Variants in PDE4D observed in about 807,000 individuals in gnomAD.
PDE4D encodes 3',5'-cyclic-AMP phosphodiesterase 4D.
Under a neutral mutation model 87.4 loss-of-function variants are expected in PDE4D, and 24 were observed. The observed-to-expected ratio is 0.27, with a 90% CI of 0.20 to 0.39. The LOEUF (loss-of-function observed/expected upper bound fraction) is 0.39, where lower values mean the gene tolerates loss of function less well. Ranked by LOEUF, PDE4D falls within the 10% of genes least tolerant of loss-of-function variation. PDE4D has a pLI of 1.00. For missense variants in PDE4D, 714 were observed against 1,041.0 expected (o/e 0.69, Z 4.32); for synonymous variants, 384 against 383.2 (o/e 1.00, Z -0.02).
At chr5:59,408,974 C>T (rs6871410) in intron 1 of PDE4D, among the ~76,000 whole-genome samples, 26,100 of 151,804 alleles carry the variant, frequency 0.17, 3,023 homozygotes, top group African/African-American at 0.32. Flanking sequence ...TGATGAAAAT[C>T]CCCATCTCTA....
At chr5:60,348,035 G>C (rs941012509) in intron 1 of PDE4D, among the ~76,000 whole-genome samples, 1 of 152,100 alleles carries the variant, frequency 6.6e-6, no homozygotes, top group African/African-American at 2.4e-5. Flanking sequence ...CTACTTTGCT[G>C]AGGTATATGC....
chr5:60,510,419 G>A (rs530751461), intron 1 of PDE4D, among the ~76,000 whole-genome samples: 4 of 152,200 alleles, frequency 2.6e-5, no homozygotes, highest in African/African-American at 4.8e-5. Flanking sequence ...TTTAACACTC[G>A]AATTCATCCT....
intron 1 of PDE4D, among the ~76,000 whole-genome samples, chr5:59,689,265 A>AC (rs1197741275): frequency 6.6e-6 from 1 of 152,092 alleles, no homozygotes; most frequent in Non-Finnish European, 1.5e-5. Flanking sequence ...GAGACACAAC[A>AC]AAAAAAGAGA....
chr5:60,407,249 G>A (rs1741616422), intron 1 of PDE4D, among the ~76,000 whole-genome samples: 1 of 151,960 alleles, frequency 6.6e-6, no homozygotes, highest in Non-Finnish European at 1.5e-5. Context: ...GCACACTGGA[G>A]CTGAGGAAGG....
intron 1 of PDE4D, among the ~76,000 whole-genome samples, chr5:59,226,720 G>C (rs1753850010): frequency 6.6e-6 from 1 of 152,072 alleles, no homozygotes; most frequent in African/African-American, 2.4e-5. Flanking sequence ...ATGGTATTTG[G>C]ACTCTTGAGG....
chr5:59,985,314 T>C (rs1230220241), intron 3 of PDE4D, among the ~76,000 whole-genome samples: 2 of 151,632 alleles, frequency 1.3e-5, no homozygotes, highest in Non-Finnish European at 2.9e-5. Flanking sequence ...AATTTTTTTT[T>C]GTATTTTTCG....
Position 59,413,457 on chromosome 5 carries a change from C to CAAAAAAAAAAAAAAAAAAAAAAAAA in PDE4D, c.456-197490_456-197489insTTTTTTTTTTTTTTTTTTTTTTTTT, listed in dbSNP as rs34074485. ...TGGGTGACTGAGTGAGACTCCATCT[C>CAAAAAAAAAAAAAAAAAAAAAAAAA]AAAAAAAAAAAAAAAAAAAAAAAAG... On this transcript the variant is annotated intron_variant, in intron 1 of 14. Coordinates refer to ENST00000340635, the MANE Select transcript of PDE4D (RefSeq NM_001104631.2). Among the ~76,000 whole-genome samples the CAAAAAAAAAAAAAAAAAAAAAAAAA allele has an allele frequency of 8.8e-4, 48 of 54,424 alleles. 1 individual carries two copies. The highest frequency in any genetic ancestry group is 3.6e-3 in the African/African-American group (43 of 12,022). 35.7% of individuals were successfully genotyped at this position (54,424 alleles called of 152,430 possible).
intron 1 of PDE4D, among the ~76,000 whole-genome samples, chr5:59,718,028 G>A (rs1429216665): frequency 6.6e-6 from 1 of 152,128 alleles, no homozygotes; most frequent in African/African-American, 2.4e-5. Context: ...CTGTTGGTTT[G>A]GTATAGACTG....
intron 2 of PDE4D, among the ~76,000 whole-genome samples, chr5:60,105,274 G>C (rs1031582976): frequency 6.6e-5 from 10 of 152,166 alleles, no homozygotes; most frequent in Admixed American, 5.9e-4. Flanking sequence ...GATGGAAGAT[G>C]AAATGAATGA....
At chr5:60,249,565 T>C (rs1299055118) in intron 1 of PDE4D, among the ~76,000 whole-genome samples, 1 of 152,032 alleles carries the variant, frequency 6.6e-6, no homozygotes, top group East Asian at 1.9e-4. Context: ...CATTAAAATG[T>C]CAGTAGAATT....
chr5:60,079,191 G>C (rs951064425), intron 2 of PDE4D, among the ~76,000 whole-genome samples: 1 of 152,162 alleles, frequency 6.6e-6, no homozygotes, highest in East Asian at 1.9e-4. Flanking sequence ...CTTCTTTTGA[G>C]AAGTGTCTGT....
intron 1 of PDE4D, among the ~76,000 whole-genome samples, chr5:59,736,019 A>C (rs538422950): frequency 2.6e-4 from 39 of 152,186 alleles, no homozygotes; most frequent in Non-Finnish European, 4.7e-4. Flanking sequence ...AAAACAAAAG[A>C]CTAGAAATAG....
chr5:59,884,286 A>G (rs1264598933), intron 1 of PDE4D, among the ~76,000 whole-genome samples: 3 of 151,130 alleles, frequency 2.0e-5, no homozygotes, highest in African/African-American at 4.9e-5. Flanking sequence ...ATAAATACAC[A>G]CACACATATA....
At chr5:59,147,752 G>A (rs1778885188) in intron 5 of PDE4D, among the ~76,000 whole-genome samples, 1 of 152,156 alleles carries the variant, frequency 6.6e-6, no homozygotes, top group Non-Finnish European at 1.5e-5. Flanking sequence ...CTTAGTAACT[G>A]TATTTCCTAT....
chr5:60,131,139 T>C (rs1468124965), intron 2 of PDE4D, among the ~76,000 whole-genome samples: 2 of 152,216 alleles, frequency 1.3e-5, no homozygotes, highest in Admixed American at 6.5e-5. Context: ...CAAGAGATTT[T>C]CCTAAATATA....
chr5:59,781,569 C>T (rs1764626638), intron 1 of PDE4D, among the ~76,000 whole-genome samples: 1 of 151,828 alleles, frequency 6.6e-6, no homozygotes, highest in African/African-American at 2.4e-5. Flanking sequence ...AGGTGGATTA[C>T]GAGGTCAGGA....
intron 1 of PDE4D, among the ~76,000 whole-genome samples, chr5:59,393,540 C>T (rs1788669445): frequency 6.6e-6 from 1 of 152,194 alleles, no homozygotes; most frequent in African/African-American, 2.4e-5. Flanking sequence ...TCCTACCTTT[C>T]TCCATTCACA....
intron 2 of PDE4D, among the ~76,000 whole-genome samples, chr5:60,084,697 TTAAG>T (rs1774344705): frequency 6.6e-6 from 1 of 152,220 alleles, no homozygotes; most frequent in Non-Finnish European, 1.5e-5. Flanking sequence ...GCTAATTCTA[TTAAG>T]TAACTGTTAA....
intron 1 of PDE4D, among the ~76,000 whole-genome samples, chr5:59,287,205 C>T (rs1289010030): frequency 1.3e-5 from 2 of 152,140 alleles, no homozygotes; most frequent in African/African-American, 4.8e-5. Context: ...GATTCCTAGG[C>T]CTGGCAGCAT....
Sources: allele counts gnomAD v4.1 joint callset (sites outside exome capture counted in the v4.1 genomes callset), GRCh38; gene constraint gnomAD v4.1.1; transcripts MANE v1.5; gene names NCBI Gene and HGNC (gene_info 2026-07-23, HGNC 2026-07-21).